ACTR3C: variants seen among roughly 807,000 people sequenced by gnomAD.
The protein encoded by ACTR3C is actin related protein 3C.
Under a neutral mutation model 26.3 loss-of-function variants are expected in ACTR3C, and 18 were observed. The ratio of observed to expected loss-of-function variants is 0.68; its 90% CI spans 0.47 to 1.01. The LOEUF is 1.01. Among genes scored for constraint, ACTR3C ranks in the 50% least tolerant of loss-of-function variants. The probability of loss-of-function intolerance (pLI) is 0.00; values close to 1 mark genes in which losing one functional copy is unlikely to be tolerated. For missense variants in ACTR3C, 184 were observed against 250.7 expected, an observed-to-expected ratio of 0.73 and a Z score of 1.80; for synonymous variants, 55 against 94.5, an observed-to-expected ratio of 0.58 and a Z score of 2.42.
the ACTR3C span, among the ~76,000 whole-genome samples, chr7:149,925,349 A>T: frequency 6.6e-6 from 1 of 152,218 alleles, no homozygotes; most frequent in Non-Finnish European, 1.5e-5. Context: ...TCTCTCCCGG[A>T]ACTAGAGAAA....
the ACTR3C span, among the ~76,000 whole-genome samples, chr7:149,962,681 C>A: frequency 6.6e-6 from 1 of 152,152 alleles, no homozygotes; most frequent in Admixed American, 6.5e-5. Flanking sequence ...GTTCCGGAGA[C>A]TTCCAGCACT....
At chr7:150,087,527 C>A in the ACTR3C span, among the ~76,000 whole-genome samples, 1 of 152,196 alleles carries the variant, frequency 6.6e-6, no homozygotes, top group Non-Finnish European at 1.5e-5. Flanking sequence ...GGGCTCCTCA[C>A]TTGCAAGGGC....
the ACTR3C span, among the ~76,000 whole-genome samples, chr7:149,908,061 G>C: frequency 1.3e-5 from 2 of 151,734 alleles, no homozygotes; most frequent in African/African-American, 2.4e-5. Flanking sequence ...CCATCAATAA[G>C]AGTGGTGGCC....
At chr7:149,972,116 G>A in the ACTR3C span, among the ~76,000 whole-genome samples, 4 of 152,142 alleles carry the variant, frequency 2.6e-5, no homozygotes, top group African/African-American at 4.8e-5. Context: ...TGCCACTTGG[G>A]CATCTCACGG....
At chr7:150,123,371 T>A in the ACTR3C span, among the ~76,000 whole-genome samples, 1 of 152,094 alleles carries the variant, frequency 6.6e-6, no homozygotes, top group African/African-American at 2.4e-5. Flanking sequence ...ATAAATGTGA[T>A]ATAATAGAGG....
the ACTR3C span, among the ~76,000 whole-genome samples, chr7:149,994,844 C>CTT: frequency 3.0e-3 from 337 of 112,402 alleles, 5 homozygotes; most frequent in African/African-American, 5.9e-3. Flanking sequence ...TGTTAACATT[C>CTT]TTTTTTTTTT....
At chr7:150,042,133 G>C in the ACTR3C span, among the ~76,000 whole-genome samples, 18 of 55,242 alleles carry the variant, frequency 3.3e-4, no homozygotes, top group Admixed American at 1.1e-3. Context: ...GGGGTCCTAA[G>C]AGCCAGTGGG....
the ACTR3C span, among the ~76,000 whole-genome samples, chr7:149,929,595 G>A: frequency 2.2e-5 from 3 of 138,260 alleles, no homozygotes; most frequent in Admixed American, 7.9e-5. Context: ...GCAGTGGCCC[G>A]ATCTCGGCTC....
At chr7:150,036,843 A>G in the ACTR3C span, among the ~76,000 whole-genome samples, 3 of 125,472 alleles carry the variant, frequency 2.4e-5, no homozygotes, top group South Asian at 4.9e-4. Flanking sequence ...CTTAGGAGCA[A>G]CGATGGGGGG....
chr7:149,913,885 CCTT>C, the ACTR3C span, among the ~76,000 whole-genome samples: 18 of 74,598 alleles, frequency 2.4e-4, 1 homozygote, highest in East Asian at 6.7e-4. Context: ...CTCATATGTC[CCTT>C]TTTTTTTTTT....
chr7:150,177,939 C>T, the ACTR3C span, among the ~76,000 whole-genome samples: 7 of 150,450 alleles, frequency 4.7e-5, no homozygotes, highest in Non-Finnish European at 7.4e-5. Flanking sequence ...CTTTATTATC[C>T]GTAAATTTTA....
the ACTR3C span, among the ~76,000 whole-genome samples, chr7:149,883,626 G>A: frequency 3.3e-5 from 5 of 152,202 alleles, no homozygotes; most frequent in African/African-American, 1.2e-4. Context: ...AGTCTCTAGC[G>A]AGCCCTCGTC....
At chr7:150,192,600 C>T in the ACTR3C span, among the ~76,000 whole-genome samples, 1 of 152,166 alleles carries the variant, frequency 6.6e-6, no homozygotes, top group East Asian at 1.9e-4. Flanking sequence ...TCATACCTGG[C>T]CCCTATTTAT....
chr7:150,015,207 A>G, the ACTR3C span, among the ~76,000 whole-genome samples: 3 of 152,184 alleles, frequency 2.0e-5, no homozygotes. Context: ...CATCTCCCGT[A>G]GACAATGGAA....
chr7:150,214,624 A>G, the ACTR3C span, among the ~76,000 whole-genome samples: 7 of 152,228 alleles, frequency 4.6e-5, no homozygotes, highest in African/African-American at 1.7e-4. Flanking sequence ...AATTAAGAAT[A>G]GGACCGAAAA....
chr7:150,254,399 C>G (rs113062761), intron 6 of ACTR3C, among the ~76,000 whole-genome samples: 1 of 152,144 alleles, frequency 6.6e-6, no homozygotes, highest in Non-Finnish European at 1.5e-5. Flanking sequence ...TCCTATAGAA[C>G]TGATGTTTAT....
At chr7:149,924,085 G>A in the ACTR3C span, among the ~76,000 whole-genome samples, 3 of 150,788 alleles carry the variant, frequency 2.0e-5, no homozygotes, top group African/African-American at 7.3e-5. Context: ...TATAAAGATT[G>A]TATCTCCTAG....
At chr7:149,983,449 G>GTGTGTGTGTA in the ACTR3C span, among the ~76,000 whole-genome samples, 1 of 23,324 alleles carries the variant, frequency 4.3e-5, no homozygotes, top group African/African-American at 1.5e-4. Flanking sequence ...GTGTGTGTGT[G>GTGTGTGTGTA]TATATATATA....
the ACTR3C span, among the ~76,000 whole-genome samples, chr7:150,200,976 G>A: frequency 6.6e-6 from 1 of 152,114 alleles, no homozygotes; most frequent in African/African-American, 2.4e-5. Flanking sequence ...CACAGTAAAT[G>A]TACATTATTT....
Sources: allele counts gnomAD v4.1 joint callset (sites outside exome capture counted in the v4.1 genomes callset), GRCh38; gene constraint gnomAD v4.1.1; transcripts MANE v1.5; gene names NCBI Gene and HGNC (gene_info 2026-07-23, HGNC 2026-07-21).